The following CTNNA3 variants were observed in gnomAD, a reference collection of about 807,000 sequenced individuals.
The protein encoded by CTNNA3 is catenin alpha 3, also known as catenin alpha-3.
Under a neutral mutation model 95.7 loss-of-function variants are expected in CTNNA3, and 76 were observed. The observed-to-expected ratio is 0.79, with a 90% confidence interval of 0.66 to 0.96. The LOEUF is 0.96. Ranked by LOEUF, CTNNA3 falls within the 40% of genes least tolerant of loss-of-function variation. CTNNA3 has a pLI of 0.00. For missense variants in CTNNA3, 1,191 were observed against 1,089.8 expected (o/e 1.09, Z -1.31); for synonymous variants, 431 against 374.4 (o/e 1.15, Z -1.74).
intron 15 of CTNNA3, among the ~76,000 whole-genome samples, chr10:66,049,937 TTAAAA>T (rs2079912250): frequency 6.6e-6 from 1 of 152,020 alleles, no homozygotes; most frequent in African/African-American, 2.4e-5. Flanking sequence ...ACACCCAAAC[TTAAAA>T]TAAAAGATTT....
rs192881904 is a variant in CTNNA3, at chr10:66,902,816, A to C, written c.1048-127292T>G. Among the ~76,000 whole-genome samples the C allele has an allele frequency of 4.1e-3, 622 of 152,314 alleles. 7 individuals are homozygous for C. Among genetic ancestry groups the C allele is most frequent in the Non-Finnish European group, 6.0e-3 (410 of 68,034 alleles). ...ATTGCTGGACACATACACCCTCCCA[A>C]GACTAAACTAGGAAGAAGTTAAATC... On this transcript the variant is annotated intron_variant, in intron 7 of 17. Coordinates refer to ENST00000433211, the MANE Select transcript of CTNNA3 (RefSeq NM_013266.4).
chr10:66,854,771 T>A (rs949847071), intron 7 of CTNNA3, among the ~76,000 whole-genome samples: 5 of 150,680 alleles, frequency 3.3e-5, no homozygotes, highest in African/African-American at 1.2e-4. Flanking sequence ...TAGGCTTGGA[T>A]GTGTAAAGTG....
intron 5 of CTNNA3, among the ~76,000 whole-genome samples, chr10:67,358,147 C>T (rs553796951): frequency 2.0e-5 from 3 of 152,102 alleles, no homozygotes; most frequent in South Asian, 2.1e-4. Flanking sequence ...GGGTCACAGA[C>T]CTGTTAAATT....
chr10:67,527,063 C>T (rs989148285), intron 4 of CTNNA3, among the ~76,000 whole-genome samples: 2 of 152,074 alleles, frequency 1.3e-5, no homozygotes, highest in Non-Finnish European at 2.9e-5. Context: ...TCGAGACCAG[C>T]CTGGCCAACA....
intron 5 of CTNNA3, among the ~76,000 whole-genome samples, chr10:67,401,303 C>T (rs945318660): frequency 6.6e-6 from 1 of 152,146 alleles, no homozygotes; most frequent in African/African-American, 2.4e-5. Flanking sequence ...ACTTGCCATA[C>T]TTTTAAAATA....
chr10:66,844,864 A>G (rs1034269463), intron 7 of CTNNA3, among the ~76,000 whole-genome samples: 2 of 152,176 alleles, frequency 1.3e-5, no homozygotes, highest in African/African-American at 4.8e-5. Flanking sequence ...AACTTTTTGA[A>G]TGGTTAAGTG....
chr10:66,001,984 T>A (rs772350829), intron 15 of CTNNA3, among the ~76,000 whole-genome samples: 30 of 152,166 alleles, frequency 2.0e-4, no homozygotes, highest in Non-Finnish European at 3.7e-4. Flanking sequence ...GTTATTTAAC[T>A]CCTAATACAG....
intron 13 of CTNNA3, among the ~76,000 whole-genome samples, chr10:66,209,967 T>G (rs957191209): frequency 2.0e-5 from 3 of 152,086 alleles, no homozygotes; most frequent in East Asian, 3.9e-4. Flanking sequence ...AGAAGAAATG[T>G]AGTGGCTAAG....
At chr10:66,316,320 G>C (rs542391808) in intron 12 of CTNNA3, among the ~76,000 whole-genome samples, 1 of 152,126 alleles carries the variant, frequency 6.6e-6, no homozygotes, top group African/African-American at 2.4e-5. Flanking sequence ...AACAGGGTGG[G>C]CTCCCTGAGC....
intron 11 of CTNNA3, among the ~76,000 whole-genome samples, chr10:66,445,059 T>C (rs1337393108): frequency 6.6e-6 from 1 of 151,450 alleles, no homozygotes; most frequent in Non-Finnish European, 1.5e-5. Flanking sequence ...CCAACAAAGA[T>C]CAAAAGAGAC....
At chr10:67,494,131 G>A (rs10762170) in intron 5 of CTNNA3, among the ~76,000 whole-genome samples, 43,586 of 151,986 alleles carry the variant, frequency 0.29, 10,473 homozygotes, top group African/African-American at 0.66. Flanking sequence ...CTGAAACCCA[G>A]CTATCCAAAC....
intron 7 of CTNNA3, among the ~76,000 whole-genome samples, chr10:67,088,895 A>G (rs921905879): frequency 2.6e-5 from 4 of 152,064 alleles, no homozygotes; most frequent in African/African-American, 9.7e-5. Flanking sequence ...CTAACTGCAA[A>G]TTGAAAATAT....
chr10:67,162,973 A>C (rs1490618673), intron 7 of CTNNA3, among the ~76,000 whole-genome samples: 1 of 151,986 alleles, frequency 6.6e-6, no homozygotes, highest in East Asian at 1.9e-4. Flanking sequence ...ATAATTATTA[A>C]GGAAGTGGAA....
intron 17 of CTNNA3, among the ~76,000 whole-genome samples, chr10:65,959,749 C>T (rs2077803965): frequency 6.6e-6 from 1 of 152,128 alleles, no homozygotes; most frequent in African/African-American, 2.4e-5. Flanking sequence ...CTCATAAGCT[C>T]AAGCAATCCA....
intron 3 of CTNNA3, among the ~76,000 whole-genome samples, chr10:67,542,340 A>C (rs1840708365): frequency 1.3e-5 from 2 of 152,084 alleles, no homozygotes; most frequent in Admixed American, 1.3e-4. Context: ...TTATTATAAC[A>C]AATTGTATCA....
chr10:66,083,960 AC>A (rs2080868983), intron 14 of CTNNA3, among the ~76,000 whole-genome samples: 1 of 151,730 alleles, frequency 6.6e-6, no homozygotes. Context: ...ACATGGAGAA[AC>A]CCCATCTCTA....
chr10:67,664,678 T>C (rs1203017654), intron 1 of CTNNA3, among the ~76,000 whole-genome samples: 1 of 152,208 alleles, frequency 6.6e-6, no homozygotes, highest in Admixed American at 6.5e-5. Flanking sequence ...CATGTAGCCT[T>C]ATAAGTCACC....
Position 66,931,721 on chromosome 10 carries a change from T to A in CTNNA3, c.1048-156197A>T, listed in dbSNP as rs149849830. Among the ~76,000 whole-genome samples the A allele has an allele frequency of 8.4e-3, 1,287 of 152,348 alleles. 10 individuals carry two copies. The highest frequency in any genetic ancestry group is 0.02 in the Middle Eastern group (6 of 294). On this transcript the variant is annotated intron_variant, in intron 7 of 17. Coordinates refer to ENST00000433211, the MANE Select transcript of CTNNA3 (RefSeq NM_013266.4). ...ATTATAATGTAATTTTTGAATGTTA[T>A]ACTTTTCATTTTGACTTTTATAGTA...
intron 7 of CTNNA3, chr10:66,925,834 C>A (rs1162813446): frequency 2.9e-6 from 1 of 339,710 alleles, no homozygotes; most frequent in African/African-American, 2.2e-5. Flanking sequence ...TAAAACAAGA[C>A]TTGGAAATCA....
Sources: allele counts gnomAD v4.1 joint callset (sites outside exome capture counted in the v4.1 genomes callset), GRCh38; gene constraint gnomAD v4.1.1; transcripts MANE v1.5; gene names NCBI Gene and HGNC (gene_info 2026-07-23, HGNC 2026-07-21).